The following TLL2 variants were observed in gnomAD, a reference collection of about 807,000 sequenced individuals.
TLL2 encodes tolloid-like protein 2.
In TLL2, 106 loss-of-function variants were observed where a neutral mutation model predicts 123.0. The observed-to-expected ratio is 0.86, with a 90% CI of 0.74 to 1.01. The LOEUF (loss-of-function observed/expected upper bound fraction) is 1.01. TLL2 is among the 50% of genes least tolerant of loss of function. The pLI, the probability that TLL2 is intolerant of heterozygous loss-of-function variation, is 0.00. For synonymous variants in TLL2, 494 were observed against 516.8 expected (o/e 0.96, Z 0.60); for missense variants, 1,332 against 1,336.7 (o/e 1.00, Z 0.06).
At chr10:96,368,653 G>A (rs1420625408) in intron 20 of TLL2, among the ~76,000 whole-genome samples, 4 of 152,152 alleles carry the variant, frequency 2.6e-5, no homozygotes, top group African/African-American at 7.2e-5. Flanking sequence ...ATGAATCACC[G>A]AGCTCCAGGG....
At chr10:96,419,749 A>T (rs570490607) in intron 7 of TLL2, among the ~76,000 whole-genome samples, 2 of 152,324 alleles carry the variant, frequency 1.3e-5, no homozygotes, top group South Asian at 4.1e-4. Context: ...ACTCATCAAC[A>T]GGATGCTTTT....
rs370287438 is a variant in TLL2, at chr10:96,428,526, T to C, written c.638+105A>G. 2.5e-4 allele frequency: 196 copies of C among 776,816 alleles called. 1 individual carries two copies. In the East Asian group the frequency reaches 3.8e-3, roughly 15 times the overall value. The allele number at this position is 776,816 out of a possible 1,614,324, so 48.1% of individuals were successfully genotyped here. A position where few individuals can be genotyped will look rare whatever the true frequency, so the allele number is the denominator to read the frequency against. On this transcript the variant is annotated intron_variant, in intron 5 of 20. Coordinates refer to ENST00000357947, the MANE Select transcript of TLL2 (RefSeq NM_012465.4). ...AAGTTTCTAGCAAACCCTGGACTCC[T>C]CTAAATAACAGCTCATTGGAAATAC...
chr10:96,416,611 A>G (rs1225990863), intron 7 of TLL2, among the ~76,000 whole-genome samples: 2 of 152,338 alleles, frequency 1.3e-5, no homozygotes, highest in Non-Finnish European at 2.9e-5. Flanking sequence ...AGTAGGCCTT[A>G]TGATACATTA....
chr10:96,368,339 T>A, intron 20 of TLL2, 117 bp from the exon 21 acceptor site: 5 of 1,166,962 alleles, frequency 4.3e-6, no homozygotes, highest in Non-Finnish European at 6.0e-6. Flanking sequence ...TACCAGAGAC[T>A]CTGAAGGGCA....
At chr10:96,402,628 GGACTCCACTGGTCCTGCA>G (rs1267901443) in intron 10 of TLL2, among the ~76,000 whole-genome samples, 6 of 152,188 alleles carry the variant, frequency 3.9e-5, no homozygotes, top group Non-Finnish European at 5.9e-5. Context: ...ACTGTGGGGC[GGACTCCACTGGTCCTGCA>G]GTAGACGTGC....
intron 10 of TLL2, among the ~76,000 whole-genome samples, chr10:96,399,588 C>T (rs1846374189): frequency 6.6e-6 from 1 of 152,220 alleles, no homozygotes; most frequent in African/African-American, 2.4e-5. Context: ...AAAAAATCCA[C>T]CAGAAGCCTT....
chr10:96,370,252 C>T lies in TLL2; in HGVS notation c.2726G>A (p.Gly909Glu). ...GGCCTCGCTCGGGTAGTTGTTGTCCCCAAACTGGGCGTGGGAATAGAGCTC... is the reference window on the plus strand; with the variant it reads ...GGCCTCGCTCGGGTAGTTGTTGTCCTCAAACTGGGCGTGGGAATAGAGCTC... The part of the protein sequence containing the change: ...TKELYSHAQF[G>E]DNNYPSEARC... Residue 909 changes from glycine (G) to glutamate (E), a missense_variant, in exon 20 of 21, where the codon GGG becomes GAG. By Grantham distance (98) the Gly-to-Glu change is moderately conservative. Coordinates refer to ENST00000357947, the MANE Select transcript of TLL2 (RefSeq NM_012465.4). The T allele has an allele frequency of 6.2e-7, 1 of 1,612,654 alleles. No homozygotes were observed. Among genetic ancestry groups the T allele is most frequent in the Non-Finnish European group, 8.5e-7 (1 of 1,179,204 alleles).
At chr10:96,468,599 T>G (rs1424540540) in intron 2 of TLL2, among the ~76,000 whole-genome samples, 1 of 152,232 alleles carries the variant, frequency 6.6e-6, no homozygotes, top group African/African-American at 2.4e-5. Context: ...CTAAAGAGCC[T>G]TGGCTAGAAC....
chr10:96,413,153 GC>G, intron 8 of TLL2, 38 bp downstream of exon 8: 2 of 1,610,860 alleles, frequency 1.2e-6, no homozygotes, highest in South Asian at 2.2e-5. Flanking sequence ...CTTTGGAGAT[GC>G]TAGGGAGGTG....
chr10:96,484,995 T>C (rs1430211955), intron 1 of TLL2, among the ~76,000 whole-genome samples: 1 of 152,238 alleles, frequency 6.6e-6, no homozygotes, highest in African/African-American at 2.4e-5. Context: ...CATTCATTTT[T>C]ATATTTCTAG....
chr10:96,427,045 T>C (rs1846684854), intron 5 of TLL2, among the ~76,000 whole-genome samples: 1 of 152,208 alleles, frequency 6.6e-6, no homozygotes. Context: ...CTCTTTTATT[T>C]TGAACCATAG....
intron 1 of TLL2, among the ~76,000 whole-genome samples, chr10:96,488,301 G>A (rs1564917676): frequency 6.6e-6 from 1 of 152,190 alleles, no homozygotes; most frequent in Admixed American, 6.5e-5. Context: ...TAGCGCTTGC[G>A]TGCCCAGCCC....
At chr10:96,507,758 T>A (rs145027653) in intron 1 of TLL2, among the ~76,000 whole-genome samples, 1 of 152,214 alleles carries the variant, frequency 6.6e-6, no homozygotes, top group Non-Finnish European at 1.5e-5. Flanking sequence ...GGAATCTAGG[T>A]CTGGCCTGCA....
intron 2 of TLL2, among the ~76,000 whole-genome samples, chr10:96,455,396 T>C (rs550801522): frequency 1.3e-5 from 2 of 152,230 alleles, no homozygotes; most frequent in East Asian, 3.9e-4. Context: ...AGCAACTCCA[T>C]CTCAAATAGG....
In TLL2 at chr10:96,446,113, A is replaced by C. The variant is rs188804082; in HGVS notation, c.342T>G (p.Thr114=). 4.3e-6 allele frequency: 7 copies of C among 1,614,202 alleles called. No homozygotes were observed. In the African/African-American group the frequency reaches 8.0e-5, roughly 18 times the overall value. The part of the protein sequence containing the change: ...ESSPDTTAMD[T]GTKEAGKDGR... ...TACCCTTTCCAGCTTCCTTGGTGCC[A>C]GTGTCCATGGCTGTGGTGTCTGGGC... Residue 114 remains threonine (T), a synonymous_variant, in exon 3 of 21, where the codon ACT becomes ACG. Transcript: ENST00000357947.
Position 96,513,738 on chromosome 10 carries a change from T to G in TLL2, c.-53A>C. 7.0e-7 allele frequency: 1 copy of G among 1,432,274 alleles called. No individual in the cohort carries two copies. Among genetic ancestry groups the G allele is most frequent in the South Asian group, 1.4e-5 (1 of 69,378 alleles). 88.7% of individuals were successfully genotyped at this position (1,432,274 alleles called of 1,614,324 possible). On this transcript the variant is annotated 5_prime_UTR_variant, in exon 1 of 21. Coordinates refer to ENST00000357947, the MANE Select transcript of TLL2 (RefSeq NM_012465.4). ...GGAGTTGCGTGCACGAAAGCTCAGC[T>G]CGGCCGAAAGACGGCGCACACTGGG...
At chr10:96,380,910 G>A (rs1461297961) in intron 16 of TLL2, among the ~76,000 whole-genome samples, 14 of 151,548 alleles carry the variant, frequency 9.2e-5, no homozygotes, top group Non-Finnish European at 1.8e-4. Flanking sequence ...CCAGGAGGCG[G>A]AGATTGCGGT....
At chr10:96,442,160 T>C (rs1846855815) in intron 3 of TLL2, among the ~76,000 whole-genome samples, 1 of 152,016 alleles carries the variant, frequency 6.6e-6, no homozygotes, top group East Asian at 1.9e-4. Flanking sequence ...GGAGGGGATG[T>C]TGAGTGAGCA....
At chr10:96,404,600 C>G (rs10509709) in intron 10 of TLL2, among the ~76,000 whole-genome samples, 11,766 of 151,984 alleles carry the variant, frequency 0.077, 628 homozygotes, top group African/African-American at 0.14. Context: ...ATTTTGGACA[C>G]GATATTTGGT....
Sources: gnomAD v4.1 joint callset for allele counts (sites outside exome capture counted in the v4.1 genomes callset) on GRCh38, gnomAD v4.1.1 for gene constraint, MANE v1.5 for transcripts, NCBI Gene and HGNC (gene_info 2026-07-23, HGNC 2026-07-21) for gene names.